Variants in MAMDC2 observed in about 807,000 individuals in gnomAD.
MAMDC2 encodes MAM domain-containing protein 2.
MAMDC2 carries 57 observed loss-of-function variants against 89.8 expected under a neutral mutation model. The observed-to-expected ratio is 0.63, with a 90% CI of 0.51 to 0.79. The LOEUF (loss-of-function observed/expected upper bound fraction) is 0.79. Ranked by LOEUF, MAMDC2 falls within the 30% of genes least tolerant of loss-of-function variation. The probability of loss-of-function intolerance (pLI) is 0.00; values close to 1 mark genes in which losing one functional copy is unlikely to be tolerated. For synonymous variants in MAMDC2, 313 were observed against 293.4 expected (o/e 1.07, Z -0.68); for missense variants, 800 against 820.6 (o/e 0.97, Z 0.31).
chr9:70,082,736 G>C (rs1229742069), intron 2 of MAMDC2: 1 of 152,116 alleles, frequency 6.6e-6, no homozygotes, highest in Non-Finnish European at 1.5e-5. Context: ...CCAGGTTTGG[G>C]TCTGTTTCTG....
intron 5 of MAMDC2, among the ~76,000 whole-genome samples, chr9:70,120,548 C>T (rs1288858248): frequency 6.6e-6 from 1 of 152,186 alleles, no homozygotes; most frequent in Non-Finnish European, 1.5e-5. Flanking sequence ...CATCTCCAAT[C>T]TCTCTGATTC....
chr9:70,163,225 C>T (rs201479875), intron 9 of MAMDC2, among the ~76,000 whole-genome samples: 2 of 40,782 alleles, frequency 4.9e-5, no homozygotes, highest in East Asian at 7.7e-4. Flanking sequence ...ATATTTCTTT[C>T]TTTCTTTTTT....
intron 11 of MAMDC2, among the ~76,000 whole-genome samples, chr9:70,200,265 C>T (rs1399030114): frequency 6.6e-6 from 1 of 151,268 alleles, no homozygotes; most frequent in African/African-American, 2.4e-5. Context: ...CAGCTTCCTA[C>T]ATATGGCTAG....
chr9:70,092,678 T>C (rs1401938699), intron 2 of MAMDC2: 2 of 152,210 alleles, frequency 1.3e-5, no homozygotes, highest in African/African-American at 4.8e-5. Flanking sequence ...AACAAATGGC[T>C]ATATAAGACT....
intron 11 of MAMDC2, among the ~76,000 whole-genome samples, chr9:70,215,333 C>A (rs1424008640): frequency 6.6e-6 from 1 of 152,192 alleles, no homozygotes; most frequent in Non-Finnish European, 1.5e-5. Flanking sequence ...GTGAGCACTG[C>A]AGAACACTGA....
At chr9:70,179,497 C>T (rs2032585545) in intron 11 of MAMDC2, among the ~76,000 whole-genome samples, 1 of 149,436 alleles carries the variant, frequency 6.7e-6, no homozygotes, top group Non-Finnish European at 1.5e-5. Context: ...GCACTCCAGC[C>T]TGGGCAACAG....
chr9:70,223,759 TAAAC>T (rs1419496747), intron 12 of MAMDC2, among the ~76,000 whole-genome samples: 4 of 152,238 alleles, frequency 2.6e-5, no homozygotes, highest in Non-Finnish European at 4.4e-5. Context: ...ATTATCTAAA[TAAAC>T]AAGTATTTGC....
intron 11 of MAMDC2, 54 bp from the exon 12 acceptor site, chr9:70,218,283 G>C: frequency 6.5e-7 from 1 of 1,547,418 alleles, no homozygotes; most frequent in Non-Finnish European, 8.7e-7. Context: ...TATGAAAGGA[G>C]AAAATGTAAT....
At chr9:70,059,814 C>A (rs1464571537) in intron 2 of MAMDC2, among the ~76,000 whole-genome samples, 3 of 152,182 alleles carry the variant, frequency 2.0e-5, no homozygotes, top group Non-Finnish European at 2.9e-5. Flanking sequence ...GAAGCCTACA[C>A]TGCCACACCC....
intron 10 of MAMDC2, 128 bp downstream of exon 10, chr9:70,168,923 C>T: frequency 1.4e-6 from 1 of 737,848 alleles, no homozygotes; most frequent in South Asian, 1.8e-5. Context: ...GTGTCTCCTG[C>T]AGAGCTGTGT....
At chr9:70,215,092 T>C (rs929088285) in intron 11 of MAMDC2, among the ~76,000 whole-genome samples, 4 of 152,126 alleles carry the variant, frequency 2.6e-5, no homozygotes, top group African/African-American at 9.7e-5. Flanking sequence ...AACTGGACCT[T>C]GGGGCACTCC....
At chr9:70,123,053 C>T (rs553275269) in intron 5 of MAMDC2, among the ~76,000 whole-genome samples, 1 of 152,176 alleles carries the variant, frequency 6.6e-6, no homozygotes, top group Admixed American at 6.5e-5. Flanking sequence ...AGCAAGTTCT[C>T]TTAAAGGGGA....
At chr9:70,056,900 C>T (rs1827036560) in intron 2 of MAMDC2, among the ~76,000 whole-genome samples, 1 of 152,184 alleles carries the variant, frequency 6.6e-6, no homozygotes. Flanking sequence ...AGGTTGCGTG[C>T]TCCTTATGAG....
At chr9:70,092,769 A>G (rs911888532) in intron 2 of MAMDC2, 3 of 152,210 alleles carry the variant, frequency 2.0e-5, no homozygotes, top group Admixed American at 2.0e-4. Flanking sequence ...TGTTTGGAGA[A>G]AAAAATGTTT....
intron 9 of MAMDC2, among the ~76,000 whole-genome samples, chr9:70,161,748 T>G (rs10780866): frequency 0.79 from 119,849 of 152,134 alleles, 47,340 homozygotes; most frequent in Admixed American, 0.83. Flanking sequence ...TTACATCGTA[T>G]AGTATATCTT....
intron 12 of MAMDC2, among the ~76,000 whole-genome samples, chr9:70,220,544 TA>T (rs2033535869): frequency 6.6e-6 from 1 of 152,114 alleles, no homozygotes. Context: ...CATGTGCACA[TA>T]GATCAGCCAT....
chr9:70,156,879 A>G (rs945318356), intron 9 of MAMDC2, among the ~76,000 whole-genome samples: 1 of 152,294 alleles, frequency 6.6e-6, no homozygotes, highest in Non-Finnish European at 1.5e-5. Context: ...TTTCATGCCA[A>G]CTTATGAGAA....
In MAMDC2 at chr9:70,226,094, C is replaced by A; in HGVS notation, c.*62C>A. 1 of 989,566 alleles carries A rather than the reference C, an allele frequency of 1.0e-6. No individual in the cohort carries two copies. Among genetic ancestry groups the A allele is most frequent in the Non-Finnish European group, 1.5e-6 (1 of 659,302 alleles). 61.3% of individuals were successfully genotyped at this position (989,566 alleles called of 1,614,324 possible). ...TACCTCTCTTCAATCAAAATGAAAA[C>A]AAAGCAAATGAATACTGGACAGTCT... On this transcript the variant is annotated 3_prime_UTR_variant, in exon 14 of 14. Transcript: ENST00000377182.
intron 2 of MAMDC2, chr9:70,089,127 T>C (rs1827833883): frequency 6.6e-6 from 1 of 152,306 alleles, no homozygotes; most frequent in South Asian, 2.1e-4. Flanking sequence ...AAGTAAGAGC[T>C]ACCTGATTCT....
Sources: gnomAD v4.1 joint callset for allele counts (sites outside exome capture counted in the v4.1 genomes callset) on GRCh38, gnomAD v4.1.1 for gene constraint, MANE v1.5 for transcripts, NCBI Gene and HGNC (gene_info 2026-07-23, HGNC 2026-07-21) for gene names.